LRRC37B: variants seen among roughly 807,000 people sequenced by gnomAD.
LRRC37B encodes the protein leucine-rich repeat-containing protein 37B.
In LRRC37B, 28 loss-of-function variants were observed where a neutral mutation model predicts 98.3. The observed-to-expected ratio is 0.28, with a 90% CI of 0.21 to 0.39. The LOEUF is 0.39. Among genes scored for constraint, LRRC37B ranks in the 10% least tolerant of loss-of-function variants. The pLI, the probability that LRRC37B is intolerant of heterozygous loss-of-function variation, is 1.00. For synonymous variants in LRRC37B, 364 were observed against 442.7 expected (o/e 0.82, Z 2.23); for missense variants, 938 against 1,182.7 (o/e 0.79, Z 3.03).
At chr17:32,008,980 T>G (rs1910470546) in intron 1 of LRRC37B, among the ~76,000 whole-genome samples, 1 of 152,190 alleles carries the variant, frequency 6.6e-6, no homozygotes, top group South Asian at 2.1e-4. Flanking sequence ...GATTTCCGGG[T>G]TGTATATTTA....
chr17:32,022,528 T>A, exon 1 of LRRC37B: 3 of 1,613,638 alleles, frequency 1.9e-6, no homozygotes, highest in Non-Finnish European at 2.5e-6. Flanking sequence ...ACTACAGAGA[T>A]TGGACATTCC....
chr17:32,045,846 TGTTAC>T (rs754772061), intron 8 of LRRC37B, 28 bp downstream of exon 11: 1 of 1,586,464 alleles, frequency 6.3e-7, no homozygotes, highest in South Asian at 1.1e-5. Flanking sequence ...GGTGATAAAT[TGTTAC>T]ATTATTTTAA....
chr17:32,014,630 C>A (rs1405076848), intron 1 of LRRC37B, among the ~76,000 whole-genome samples: 1 of 152,144 alleles, frequency 6.6e-6, no homozygotes, highest in African/African-American at 2.4e-5. Context: ...TCTCCTCTTA[C>A]GCTCTTTAAA....
intron 1 of LRRC37B, among the ~76,000 whole-genome samples, chr17:32,011,151 C>A (rs1378942880): frequency 6.6e-6 from 1 of 151,974 alleles, no homozygotes; most frequent in Admixed American, 6.6e-5. Flanking sequence ...CACCCGCCAC[C>A]ACGCCCCGCT....
intron 2 of LRRC37B, among the ~76,000 whole-genome samples, chr17:32,026,070 G>A (rs1910944084): frequency 6.6e-6 from 1 of 151,980 alleles, no homozygotes. Context: ...TTGTTTTATC[G>A]TTTTCTTCCT....
chr17:32,022,602 A>G, exon 1 of LRRC37B: 1 of 1,614,030 alleles, frequency 6.2e-7, no homozygotes. Flanking sequence ...TCGAAGCCTG[A>G]CTGAAGTCAC....
intron 1 of LRRC37B, chr17:32,024,329 A>G: frequency 1.7e-6 from 1 of 572,146 alleles, no homozygotes; most frequent in Non-Finnish European, 3.2e-6. Context: ...CTTTCTACTT[A>G]TTTATCGATA....
intron 7 of LRRC37B, 112 bp downstream of exon 10, chr17:32,035,751 T>G: frequency 8.6e-7 from 1 of 1,163,226 alleles, no homozygotes; most frequent in South Asian, 1.4e-5. Context: ...CATTCACCCT[T>G]TATAAGTGTA....
chr17:32,011,344 C>T (rs1910522043), intron 1 of LRRC37B, among the ~76,000 whole-genome samples: 3 of 151,332 alleles, frequency 2.0e-5, no homozygotes, highest in Non-Finnish European at 4.4e-5. Context: ...TGCATATATA[C>T]CTCATTTTCT....
intron 7 of LRRC37B, among the ~76,000 whole-genome samples, chr17:32,039,665 T>C (rs183152445): frequency 1.3e-3 from 188 of 147,176 alleles, no homozygotes; most frequent in South Asian, 4.3e-3. Flanking sequence ...TACTGCAACT[T>C]AAATTGTGCC....
At chr17:32,020,683 C>T (rs1205720883), upstream of LRRC37B, 4 of 357,808 alleles carry the variant, frequency 1.1e-5, no homozygotes, top group Admixed American at 1.5e-4. Context: ...CCCTAACTGG[C>T]GCCCATTTTG....
intron 7 of LRRC37B, among the ~76,000 whole-genome samples, chr17:32,044,928 A>G (rs544479016): frequency 1.0e-3 from 157 of 152,270 alleles, no homozygotes; most frequent in African/African-American, 3.5e-3. Context: ...TTGATAATTA[A>G]TAAAAAATCT....
intron 7 of LRRC37B, among the ~76,000 whole-genome samples, chr17:32,043,647 T>C (rs1169640979): frequency 6.6e-6 from 1 of 152,218 alleles, no homozygotes; most frequent in Non-Finnish European, 1.5e-5. Flanking sequence ...TCAATCTATA[T>C]GAAGATCAGA....
chr17:32,019,243 A>T (rs1397207104), upstream of LRRC37B, among the ~76,000 whole-genome samples: 1 of 152,200 alleles, frequency 6.6e-6, no homozygotes, highest in African/African-American at 2.4e-5. Flanking sequence ...GTTATCATTT[A>T]TACAGTATTT....
At chr17:32,007,874 CG>C, upstream of LRRC37B, 1 of 1,059,826 alleles carries the variant, frequency 9.4e-7, no homozygotes, top group Non-Finnish European at 1.2e-6. This position sits in a 1 kb window ranked among gnomAD's most constrained non-coding sequence, Gnocchi z 4.1. Context: ...ACGGGCCCGG[CG>C]GGGGCGCGGG....
At chr17:32,022,406 C>T (rs772382446) in exon 1 of LRRC37B, 8 of 1,613,598 alleles carry the variant, frequency 5.0e-6, no homozygotes, top group East Asian at 4.5e-5. Flanking sequence ...AACCTCTGGA[C>T]CTGGAGCTTA....
At chr17:32,008,273 C>T (rs1458983435) in intron 1 of LRRC37B, 141 bp downstream of exon 1, 3 of 175,784 alleles carry the variant, frequency 1.7e-5, no homozygotes. Context: ...AATGGGAGGG[C>T]ACATCAAGTG....
At chr17:32,047,169 C>T (rs1220448029) in intron 8 of LRRC37B, 1 of 161,228 alleles carries the variant, frequency 6.2e-6, no homozygotes, top group African/African-American at 2.4e-5. Flanking sequence ...TGTGATGGGG[C>T]TATGATATGT....
intron 10 of LRRC37B, 70 bp downstream of exon 13, chr17:32,049,464 T>C (rs1428703877): frequency 5.3e-6 from 8 of 1,496,586 alleles, no homozygotes; most frequent in Admixed American, 2.2e-5. Flanking sequence ...AGTGCCCACA[T>C]AGGAGAACCT....
Sources: allele counts gnomAD v4.1 joint callset (sites outside exome capture counted in the v4.1 genomes callset), GRCh38; gene constraint gnomAD v4.1.1; non-coding constraint Gnocchi (gnomAD v3.1); transcripts MANE v1.5; gene names NCBI Gene and HGNC (gene_info 2026-07-23, HGNC 2026-07-21).